Variants in ANKRD26 observed in about 807,000 individuals in gnomAD.
ANKRD26 encodes ankyrin repeat domain 26, also known as ankyrin repeat domain-containing protein 26.
In ANKRD26, 141 loss-of-function variants were observed where a neutral mutation model predicts 208.7. The observed-to-expected ratio is 0.68, with a 90% CI of 0.59 to 0.78. The LOEUF (loss-of-function observed/expected upper bound fraction) is 0.78, where lower values mean the gene tolerates loss of function less well. Among genes scored for constraint, ANKRD26 ranks in the 30% least tolerant of loss-of-function variants. ANKRD26 has a pLI of 0.00. For missense variants in ANKRD26, 1,889 were observed against 1,938.7 expected (o/e 0.97, Z 0.48); for synonymous variants, 636 against 660.4 (o/e 0.96, Z 0.57).
chr10:26,986,524 T>C (rs1162314715), intron 3 of ANKRD26, among the ~76,000 whole-genome samples: 1 of 152,204 alleles, frequency 6.6e-6, no homozygotes, highest in Non-Finnish European at 1.5e-5. Context: ...TTTTGCAATC[T>C]ACCCATCTGA....
At chr10:26,972,189 C>G (rs962021905), downstream of ANKRD26, among the ~76,000 whole-genome samples, 5 of 148,624 alleles carry the variant, frequency 3.4e-5, no homozygotes, top group African/African-American at 1.0e-4. Flanking sequence ...GAGCCGAGAT[C>G]GTGCCACTGC....
chr10:26,993,206 C>G (rs2134679599), intron 5 of ANKRD26, among the ~76,000 whole-genome samples: 1 of 152,226 alleles, frequency 6.6e-6, no homozygotes, highest in African/African-American at 2.4e-5. Flanking sequence ...ATCCTCGTGC[C>G]CAAGCTTAAT....
chr10:27,092,001 A>G (rs946217886), intron 4 of ANKRD26, among the ~76,000 whole-genome samples: 17 of 151,934 alleles, frequency 1.1e-4, no homozygotes, highest in South Asian at 2.1e-4. Context: ...AAAAAAAAGT[A>G]AACTAAAAGT....
At chr10:27,056,701 C>T (rs957712452) in intron 15 of ANKRD26, among the ~76,000 whole-genome samples, 4 of 151,956 alleles carry the variant, frequency 2.6e-5, no homozygotes, top group South Asian at 2.1e-4. Context: ...CGCTTGAACC[C>T]GGGAGGCAGA....
intron 4 of ANKRD26, among the ~76,000 whole-genome samples, chr10:26,982,207 G>C (rs1346801760): frequency 6.6e-6 from 1 of 152,154 alleles, no homozygotes; most frequent in African/African-American, 2.4e-5. Flanking sequence ...GTGAATTCAA[G>C]AGAACTGTTT....
intron 4 of ANKRD26, among the ~76,000 whole-genome samples, chr10:26,995,547 G>A (rs2134695137): frequency 6.6e-6 from 1 of 152,332 alleles, no homozygotes; most frequent in East Asian, 1.9e-4. Flanking sequence ...ATGCACAGAA[G>A]TTGGTGGGCA....
intron 15 of ANKRD26, among the ~76,000 whole-genome samples, chr10:27,056,702 G>A (rs1199293316): frequency 2.6e-5 from 4 of 152,048 alleles, no homozygotes; most frequent in South Asian, 2.1e-4. Flanking sequence ...GCTTGAACCC[G>A]GGAGGCAGAG....
At chr10:27,006,777 C>T (rs1052474190) in intron 33 of ANKRD26, 140 bp downstream of exon 33, 3 of 675,556 alleles carry the variant, frequency 4.4e-6, no homozygotes, top group Non-Finnish European at 5.3e-6. Context: ...TCACATCTTT[C>T]ATTAGATGTG....
In ANKRD26 at chr10:27,043,459, AC is replaced by A. The variant is rs867085457; in HGVS notation, c.2127del (p.Met709IlefsTer18). 2.9e-5 allele frequency: 46 copies of A among 1,613,950 alleles called. No individual in the cohort carries two copies. The highest frequency in any genetic ancestry group is 3.8e-5 in the Non-Finnish European group (45 of 1,179,980). On this transcript the variant is annotated frameshift_variant, in exon 20 of 34. Transcript: ENST00000376087. LOFTEE classifies it high-confidence loss of function. ...ELPHSSYKNF[M>X]LLIEQLGMEC... ...TCCATTCCAAGTTGTTCAATGAGCA[AC>A]ATAAAATTCTTGTAACTAGAGTGGG... is the stretch of plus-strand genomic sequence containing the variant.
the ANKRD26 span, among the ~76,000 whole-genome samples, chr10:26,968,357 TG>T: frequency 6.6e-6 from 1 of 152,232 alleles, no homozygotes; most frequent in Non-Finnish European, 1.5e-5. Context: ...TACTTCTTCC[TG>T]TGCAGCCTGC....
intron 28 of ANKRD26, among the ~76,000 whole-genome samples, chr10:27,023,855 C>T (rs1423534329): frequency 6.6e-6 from 1 of 151,992 alleles, no homozygotes; most frequent in Admixed American, 6.6e-5. Flanking sequence ...ATCATACATA[C>T]TTTTGTATAT....
Position 27,043,559 on chromosome 10 carries a change from G to A in ANKRD26, c.2028C>T (p.Asn676=). ...KTSNEKNKVK[N]QIQSMDDVDD... The stretch of plus-strand genomic sequence containing the variant: ...CAACATCATCCATAGACTGTATTTG[G>A]TTTTTGACCTATGAAATAAATAACA... Residue 676 remains asparagine, a synonymous_variant, in exon 20 of 34, where the codon AAC becomes AAT. Transcript: ENST00000376087. 6.2e-7 allele frequency: 1 copy of A among 1,613,372 alleles called. No homozygotes were observed. The highest frequency in any genetic ancestry group is 8.5e-7 in the Non-Finnish European group (1 of 1,179,482).
At chr10:27,075,863 C>T (rs2055679201) in intron 9 of ANKRD26, among the ~76,000 whole-genome samples, 2 of 152,126 alleles carry the variant, frequency 1.3e-5, no homozygotes, top group African/African-American at 4.8e-5. Flanking sequence ...CAAAACAAGT[C>T]TTAATAAATT....
At chr10:27,044,520 G>T (rs1194790164) in intron 18 of ANKRD26, among the ~76,000 whole-genome samples, 4 of 143,710 alleles carry the variant, frequency 2.8e-5, no homozygotes, top group South Asian at 2.2e-4. Flanking sequence ...AATATACCAG[G>T]TTTTTTTTTT....
chr10:26,960,607 C>T, the ANKRD26 span, among the ~76,000 whole-genome samples: 2 of 152,190 alleles, frequency 1.3e-5, no homozygotes, highest in East Asian at 3.8e-4. Flanking sequence ...ACTAGACTTG[C>T]GGCTGTTCAT....
At chr10:26,969,042 G>A (rs144605850), downstream of ANKRD26, among the ~76,000 whole-genome samples, 56 of 152,214 alleles carry the variant, frequency 3.7e-4, no homozygotes, top group Middle Eastern at 3.4e-3. Context: ...TCCAGATCCC[G>A]TTTAGACTCT....
Position 27,017,627 on chromosome 10 carries a change from G to A in ANKRD26, c.4381C>T (p.Leu1461=). The A allele has an allele frequency of 6.2e-7, 1 of 1,613,530 alleles. No individual in the cohort carries two copies. Among genetic ancestry groups the A allele is most frequent in the Non-Finnish European group, 8.5e-7 (1 of 1,179,830 alleles). The change falls in exon 30 of 34, where the codon CTG becomes TTG. Residue 1461 remains leucine (L), a synonymous_variant. Coordinates refer to ENST00000376087, the MANE Select transcript of ANKRD26 (RefSeq NM_014915.3). The stretch of plus-strand genomic sequence containing the variant: ...ATATTCCTTTCTATATGACTTCTCA[G>A]GTTGATCACTTCTTGTTCCAACTTC... ...KKKLEQEVIN[L]RSHIERNMVE...
At chr10:27,087,994 C>T (rs1255222519) in intron 4 of ANKRD26, among the ~76,000 whole-genome samples, 1 of 152,094 alleles carries the variant, frequency 6.6e-6, no homozygotes, top group Non-Finnish European at 1.5e-5. Context: ...CTATGTTGCC[C>T]AGGCTGGTCT....
chr10:27,077,593 A>G, intron 8 of ANKRD26, 40 bp downstream of exon 8: 2 of 1,611,188 alleles, frequency 1.2e-6, no homozygotes. Context: ...ATTAAGAATC[A>G]GTGAATAACA....
Sources: gnomAD v4.1 joint callset for allele counts (sites outside exome capture counted in the v4.1 genomes callset) on GRCh38, gnomAD v4.1.1 for gene constraint, MANE v1.5 for transcripts, NCBI Gene and HGNC (gene_info 2026-07-23, HGNC 2026-07-21) for gene names.